NCKAP5: variants seen among roughly 807,000 people sequenced by gnomAD.
NCKAP5 encodes the protein nck-associated protein 5.
In NCKAP5, 92 loss-of-function variants were observed where a neutral mutation model predicts 167.0. That is an observed-to-expected ratio of 0.55 (90% CI 0.47 to 0.66). NCKAP5 has a LOEUF of 0.66. NCKAP5 is among the 30% of genes least tolerant of loss of function. NCKAP5 has a pLI of 0.00. For synonymous variants in NCKAP5, 891 were observed against 877.4 expected, an observed-to-expected ratio of 1.02 and a Z score of -0.27; for missense variants, 2,378 against 2,315.0, an observed-to-expected ratio of 1.03 and a Z score of -0.56.
chr2:133,575,339 G>A, the NCKAP5 span, among the ~76,000 whole-genome samples: 1 of 152,164 alleles, frequency 6.6e-6, no homozygotes, highest in African/African-American at 2.4e-5. Context: ...CAAATCTACT[G>A]GATTTGGGAA....
intron 3 of NCKAP5, among the ~76,000 whole-genome samples, chr2:133,433,014 C>T (rs1283047453): frequency 1.3e-5 from 2 of 152,108 alleles, no homozygotes; most frequent in Non-Finnish European, 2.9e-5. Flanking sequence ...TAGCTCTTGA[C>T]ATATAATGCA....
intron 3 of NCKAP5, among the ~76,000 whole-genome samples, chr2:133,489,048 C>T (rs1681198778): frequency 6.6e-6 from 1 of 152,174 alleles, no homozygotes; most frequent in African/African-American, 2.4e-5. Context: ...ATGATCGTGC[C>T]ACTGCACTCC....
intron 4 of NCKAP5, among the ~76,000 whole-genome samples, chr2:133,237,992 C>A (rs1184486578): frequency 1.3e-5 from 2 of 152,138 alleles, no homozygotes; most frequent in African/African-American, 4.8e-5. Flanking sequence ...CTGGCTGTTA[C>A]AAGCACGGGA....
chr2:132,828,315 G>A (rs1006420938), intron 11 of NCKAP5, among the ~76,000 whole-genome samples: 6 of 152,158 alleles, frequency 3.9e-5, no homozygotes, highest in African/African-American at 1.4e-4. Flanking sequence ...GTAATCCCTA[G>A]TGTTGGAGGA....
At chr2:133,525,534 C>G (rs1684799842) in intron 2 of NCKAP5, among the ~76,000 whole-genome samples, 1 of 152,158 alleles carries the variant, frequency 6.6e-6, no homozygotes, top group South Asian at 2.1e-4. Context: ...TGCTATGAAT[C>G]TGAACTAAGT....
chr2:133,111,814 G>A (rs2081923795), intron 6 of NCKAP5, among the ~76,000 whole-genome samples: 1 of 152,148 alleles, frequency 6.6e-6, no homozygotes, highest in African/African-American at 2.4e-5. Flanking sequence ...GATTGCTTAA[G>A]TGAAAAACAC....
At chr2:133,432,289 C>T (rs1271366285) in intron 3 of NCKAP5, among the ~76,000 whole-genome samples, 1 of 152,094 alleles carries the variant, frequency 6.6e-6, no homozygotes, top group African/African-American at 2.4e-5. Context: ...AATCTGTTTC[C>T]AGCACACAGA....
chr2:133,209,880 A>T (rs2086128032), intron 5 of NCKAP5, among the ~76,000 whole-genome samples: 1 of 152,086 alleles, frequency 6.6e-6, no homozygotes, highest in African/African-American at 2.4e-5. Flanking sequence ...AAATAAAAGA[A>T]ATCTCAGCCA....
chr2:132,980,722 T>C (rs933541003), intron 7 of NCKAP5, among the ~76,000 whole-genome samples: 2 of 152,062 alleles, frequency 1.3e-5, no homozygotes, highest in East Asian at 1.9e-4. Context: ...TTATTATTAC[T>C]GTGTCAATTT....
At chr2:133,100,029 G>A (rs1199446254) in intron 6 of NCKAP5, among the ~76,000 whole-genome samples, 3 of 152,200 alleles carry the variant, frequency 2.0e-5, no homozygotes, top group Non-Finnish European at 4.4e-5. Context: ...CGTTCTCAGT[G>A]TTTCTGTGCT....
chr2:133,263,469 T>C lies in NCKAP5; in HGVS notation c.143+39568A>G, dbSNP rs144200843. On this transcript the variant is annotated intron_variant, in intron 4 of 19. Coordinates refer to ENST00000409261, the MANE Select transcript of NCKAP5 (RefSeq NM_207363.3). The stretch of plus-strand genomic sequence containing the variant: ...GCCCCCAGCCATAATAATCTCCCTA[T>C]GGTATACCACCCTGCTTGTAAAACT... 1.4e-3 allele frequency among the ~76,000 whole-genome samples: 206 copies of C among 152,148 alleles called. 2 individuals carry two copies. Among genetic ancestry groups the C allele is most frequent in the African/African-American group, 4.8e-3 (199 of 41,518 alleles).
intron 12 of NCKAP5, among the ~76,000 whole-genome samples, chr2:132,793,597 GCT>G (rs1179116694): frequency 6.6e-6 from 1 of 152,212 alleles, no homozygotes; most frequent in East Asian, 1.9e-4. Flanking sequence ...TCTAGGAGAA[GCT>G]ATTAAAGAAG....
chr2:133,403,914 T>TGC (rs1393930459), intron 3 of NCKAP5, among the ~76,000 whole-genome samples: 2 of 152,042 alleles, frequency 1.3e-5, no homozygotes, highest in African/African-American at 2.4e-5. Flanking sequence ...TGTGTGTGTG[T>TGC]GTAGGTGAGT....
intron 6 of NCKAP5, among the ~76,000 whole-genome samples, chr2:133,063,383 A>T (rs560169524): frequency 1.1e-4 from 17 of 152,328 alleles, no homozygotes; most frequent in Middle Eastern, 3.4e-3. Flanking sequence ...TTGAAGTTAC[A>T]TATACACTAC....
chr2:133,236,488 T>C (rs866265604), intron 4 of NCKAP5, among the ~76,000 whole-genome samples: 2 of 152,154 alleles, frequency 1.3e-5, no homozygotes, highest in Non-Finnish European at 2.9e-5. Flanking sequence ...TACCTACCTA[T>C]AAGTAAAAGG....
Position 132,958,360 on chromosome 2 carries a change from G to A in NCKAP5, c.579+5360C>T, listed in dbSNP as rs2076404522. 2.0e-5 allele frequency among the ~76,000 whole-genome samples: 3 copies of A among 152,136 alleles called. No homozygotes were observed. In the South Asian group the frequency reaches 6.2e-4, roughly 32 times the overall value. On this transcript the variant is annotated intron_variant, in intron 8 of 19. Transcript: ENST00000409261. ...ACTAGTCTACTAATATTGTTTGTTT[G>A]AATCTAAAAACAACAACAAAAAATA...
At chr2:133,650,876 T>C in the NCKAP5 span, among the ~76,000 whole-genome samples, 1 of 152,240 alleles carries the variant, frequency 6.6e-6, no homozygotes, top group Non-Finnish European at 1.5e-5. Context: ...AGCAAGACTC[T>C]GTCTTAAATA....
rs140386431 is a variant in NCKAP5, at chr2:133,532,378, T to C, written c.-61-14791A>G. 1.2e-3 allele frequency among the ~76,000 whole-genome samples: 180 copies of C among 152,262 alleles called. 1 individual carries two copies. Among genetic ancestry groups the C allele is most frequent in the African/African-American group, 3.9e-3 (164 of 41,556 alleles). On this transcript the variant is annotated intron_variant, in intron 2 of 19. Coordinates refer to ENST00000409261, the MANE Select transcript of NCKAP5 (RefSeq NM_207363.3). The stretch of plus-strand genomic sequence containing the variant: ...TATGGGGAAATCCTTGGGTCACAGG[T>C]TGTGCACATGTTTGAGTGAGAAGGC...
chr2:132,757,742 A>G (rs1680668128), intron 16 of NCKAP5, among the ~76,000 whole-genome samples: 1 of 152,222 alleles, frequency 6.6e-6, no homozygotes, highest in African/African-American at 2.4e-5. Flanking sequence ...GGAATTCTTG[A>G]TGTTGTTTTC....
Sources: allele counts gnomAD v4.1 joint callset (sites outside exome capture counted in the v4.1 genomes callset), GRCh38; gene constraint gnomAD v4.1.1; transcripts MANE v1.5; gene names NCBI Gene and HGNC (gene_info 2026-07-23, HGNC 2026-07-21).